FAAH2: variants seen among roughly 807,000 people sequenced by gnomAD.
FAAH2 encodes fatty acid amide hydrolase 2.
Under a neutral mutation model 36.9 loss-of-function variants are expected in FAAH2, and 60 were observed. The ratio of observed to expected loss-of-function variants is 1.63; its 90% CI spans 1.32 to 2.02. The LOEUF (loss-of-function observed/expected upper bound fraction) is 2.02, where lower values mean the gene tolerates loss of function less well. Ranked by LOEUF, FAAH2 falls within the 30% of genes most tolerant of loss-of-function variation. FAAH2 has a pLI of 0.00. For missense variants in FAAH2, 689 were observed against 397.5 expected (o/e 1.73, Z -6.23); for synonymous variants, 214 against 143.8 (o/e 1.49, Z -3.49).
At chrX:57,420,015 G>A (rs976050132) in intron 7 of FAAH2, among the ~76,000 whole-genome samples, 2 of 111,647 alleles carry the variant, frequency 1.8e-5, no homozygotes, top group East Asian at 2.8e-4. Flanking sequence ...GTTTGTCAAA[G>A]ATCAGATAGT....
the FAAH2 span, among the ~76,000 whole-genome samples, chrX:57,244,130 C>A: frequency 9.3e-6 from 1 of 107,153 alleles, no homozygotes; most frequent in African/African-American, 3.4e-5. Context: ...ATCAATCAAG[C>A]AGAAGAAAGG....
At position 57,414,467 on chromosome X, in the gene FAAH2, A is replaced by T. The variant is rs139702982; in HGVS notation, c.997-17451A>T. Among the ~76,000 whole-genome samples the T allele has an allele frequency of 7.0e-4, 78 of 111,933 alleles. 1 individual carries two copies. In the East Asian group the frequency reaches 0.02, roughly 29 times the overall value. On this transcript the variant is annotated intron_variant, in intron 7 of 10. Transcript: ENST00000374900. ...TCAAAGGCCTTTTCTGCATCGATTC[A>T]GATAATCATGTGGTTTTTGTCATTG...
chrX:57,373,914 T>A (rs1310471328), intron 5 of FAAH2, among the ~76,000 whole-genome samples: 2 of 111,670 alleles, frequency 1.8e-5, no homozygotes. Flanking sequence ...GAGATGAGGA[T>A]CCAGTTTCAT....
chrX:57,454,270 G>T (rs1011903788), intron 10 of FAAH2, among the ~76,000 whole-genome samples: 1 of 112,457 alleles, frequency 8.9e-6, no homozygotes, highest in Admixed American at 9.4e-5. Context: ...TAAACATTCT[G>T]TACAAAGTCA....
the FAAH2 span, among the ~76,000 whole-genome samples, chrX:57,169,081 C>T: frequency 2.7e-5 from 3 of 111,263 alleles, no homozygotes; most frequent in African/African-American, 9.8e-5. Context: ...TGTGTCTTCA[C>T]ATGGCTTTGC....
chrX:57,440,140 A>G (rs1375835869), intron 8 of FAAH2, among the ~76,000 whole-genome samples: 1 of 111,644 alleles, frequency 9.0e-6, no homozygotes, highest in African/African-American at 3.3e-5. Flanking sequence ...CTGTGAAGAA[A>G]GTCATTGGTA....
chrX:57,384,169 T>C (rs1219141563), intron 7 of FAAH2, among the ~76,000 whole-genome samples: 9 of 109,132 alleles, frequency 8.2e-5, no homozygotes, highest in Non-Finnish European at 1.7e-4. Flanking sequence ...ATACAAAAAT[T>C]AATTCAAGAT....
rs1556012968 is a variant in FAAH2 at position 57,431,787 on chromosome X, G to GTTTTGTTTT, written c.997-127_997-126insGTTTTTTTT. 9.3e-5 allele frequency: 12 copies of GTTTTGTTTT among 129,291 alleles called. 2 individuals are homozygous for GTTTTGTTTT. The East Asian group carries it at 1.0e-3, about 11-fold the overall frequency. 10.7% of individuals were successfully genotyped at this position (129,291 alleles called of 1,213,427 possible). ...TGTTTTTTTGTTTTTTTGTTTTTTTGTTTTTTTTGGTGTTTCCATGGGGCA... is the reference window on the plus strand; with the variant it reads ...TGTTTTTTTGTTTTTTTGTTTTTTTGTTTTGTTTTTTTTTTTTGGTGTTTCCATGGGGCA... On this transcript the variant is annotated intron_variant, in intron 7 of 10. Transcript: ENST00000374900.
intron 8 of FAAH2, among the ~76,000 whole-genome samples, chrX:57,433,341 A>G (rs1158578938): frequency 9.1e-6 from 1 of 110,343 alleles, no homozygotes; most frequent in African/African-American, 3.3e-5. Flanking sequence ...CCAGATTTAG[A>G]GCTGGTGGTC....
chrX:57,425,245 C>T lies in FAAH2; in HGVS notation c.997-6673C>T, dbSNP rs768517660. On this transcript the variant is annotated intron_variant, in intron 7 of 10. Coordinates refer to ENST00000374900, the MANE Select transcript of FAAH2 (RefSeq NM_174912.4). ...ATGTAAAATCTCCAAACCTATGAAT[C>T]GTAGGTATTCCCAAGAGAGAATAAA... 4.5e-5 allele frequency among the ~76,000 whole-genome samples: 5 copies of T among 111,384 alleles called. No homozygotes were observed. In the East Asian group the frequency reaches 1.1e-3, roughly 25 times the overall value.
At chrX:57,437,795 T>G (rs1256161312) in intron 8 of FAAH2, among the ~76,000 whole-genome samples, 1 of 102,463 alleles carries the variant, frequency 9.8e-6, no homozygotes. Context: ...ATATTAAATA[T>G]GTTATAATCA....
the FAAH2 span, among the ~76,000 whole-genome samples, chrX:57,233,096 T>A: frequency 1.8e-5 from 2 of 112,145 alleles, no homozygotes; most frequent in African/African-American, 3.2e-5. Context: ...CAACCAGGTC[T>A]ATGGTATTAT....
intron 10 of FAAH2, among the ~76,000 whole-genome samples, chrX:57,462,252 C>T (rs934013841): frequency 1.8e-5 from 2 of 108,937 alleles, no homozygotes; most frequent in African/African-American, 6.7e-5. Flanking sequence ...GGTACTATTC[C>T]TTCTGAAACG....
chrX:57,460,376 A>G (rs1224876146), intron 10 of FAAH2, among the ~76,000 whole-genome samples: 2 of 111,643 alleles, frequency 1.8e-5, no homozygotes, highest in African/African-American at 6.5e-5. Flanking sequence ...CAAAGTTGAA[A>G]GGCTGGAATA....
At chrX:57,384,512 A>G (rs763434330) in intron 7 of FAAH2, among the ~76,000 whole-genome samples, 1 of 110,941 alleles carries the variant, frequency 9.0e-6, no homozygotes, top group East Asian at 2.9e-4. Context: ...AAAGTGGGCA[A>G]AGGATATGAA....
intron 2 of FAAH2, among the ~76,000 whole-genome samples, chrX:57,300,678 C>G (rs541470256): frequency 1.8e-5 from 2 of 111,598 alleles, no homozygotes; most frequent in African/African-American, 6.5e-5. Flanking sequence ...AGGCAACCTA[C>G]AAAATGGGAG....
chrX:57,345,034 G>T (rs921319919), intron 5 of FAAH2, among the ~76,000 whole-genome samples: 1 of 110,099 alleles, frequency 9.1e-6, no homozygotes, highest in Non-Finnish European at 1.9e-5. Flanking sequence ...CAGGGATATA[G>T]TCATGACTTT....
chrX:57,415,124 C>T (rs1197021808), intron 7 of FAAH2, among the ~76,000 whole-genome samples: 5 of 109,289 alleles, frequency 4.6e-5, no homozygotes, highest in African/African-American at 1.3e-4. Flanking sequence ...CTCTTTCCTT[C>T]TTTATTAGTC....
At chrX:57,172,880 C>T in the FAAH2 span, among the ~76,000 whole-genome samples, 52 of 111,922 alleles carry the variant, frequency 4.6e-4, no homozygotes, top group Non-Finnish European at 8.1e-4. Flanking sequence ...TTCCTCTCGA[C>T]GTCCAGCCAC....
Sources: allele counts gnomAD v4.1 joint callset (sites outside exome capture counted in the v4.1 genomes callset), GRCh38; gene constraint gnomAD v4.1.1; transcripts MANE v1.5; gene names NCBI Gene and HGNC (gene_info 2026-07-23, HGNC 2026-07-21).